Variants in SECISBP2 observed in about 807,000 individuals in gnomAD.
SECISBP2 encodes the protein SECIS binding protein 2.
A neutral mutation model predicts 98.2 loss-of-function variants in SECISBP2; 96 were observed. That is an observed-to-expected ratio of 0.98 (90% CI 0.83 to 1.16). SECISBP2 has a LOEUF of 1.16. SECISBP2 is among the 50% of genes most tolerant of loss of function. SECISBP2 has a pLI of 0.00. For missense variants in SECISBP2, 1,046 were observed against 1,022.9 expected, an observed-to-expected ratio of 1.02 and a Z score of -0.31; for synonymous variants, 407 against 370.2, an observed-to-expected ratio of 1.10 and a Z score of -1.14.
intron 10 of SECISBP2, among the ~76,000 whole-genome samples, chr9:89,342,352 A>G (rs1351062098): frequency 6.6e-6 from 1 of 150,380 alleles, no homozygotes; most frequent in Non-Finnish European, 1.5e-5. Flanking sequence ...AAAATGGTGC[A>G]GCCATTGTGG....
Position 89,342,963 on chromosome 9 carries a change from G to T in SECISBP2, c.1435+1484G>T, listed in dbSNP as rs80114704. On this transcript the variant is annotated intron_variant, in intron 10 of 16. Coordinates refer to ENST00000375807, the MANE Select transcript of SECISBP2 (RefSeq NM_024077.5). ...AAACATTTTTAAGTTATTAAAATAG[G>T]ATGATTTTTAAAAATTGATCTTATT... Among the ~76,000 whole-genome samples the T allele has an allele frequency of 7.7e-3, 1,180 of 152,274 alleles. 12 individuals are homozygous for T. Among genetic ancestry groups the T allele is most frequent in the South Asian group, 0.024 (118 of 4,828 alleles).
chr9:89,340,529 GT>G (rs1284667273), intron 9 of SECISBP2, among the ~76,000 whole-genome samples: 1 of 152,194 alleles, frequency 6.6e-6, no homozygotes, highest in Non-Finnish European at 1.5e-5. Context: ...GGGGGCTGTT[GT>G]TTTCGCATTC....
At chr9:89,346,778 A>ACT in intron 10 of SECISBP2, 104 bp from the exon 11 acceptor site, 1 of 1,373,318 alleles carries the variant, frequency 7.3e-7, no homozygotes, top group Non-Finnish European at 1.0e-6. Context: ...GACTTGGCAA[A>ACT]CTCCTTCAGA....
At position 89,332,972 on chromosome 9, in the gene SECISBP2, C is replaced by T; in HGVS notation, c.866C>T (p.Pro289Leu). The change falls in exon 6 of 17, where the codon CCT becomes CTT. Residue 289 changes from proline (P) to leucine (L), a missense_variant. Physicochemically the swap from Pro to Leu is moderately conservative, Grantham distance 98. Coordinates refer to ENST00000375807, the MANE Select transcript of SECISBP2 (RefSeq NM_024077.5). Reference protein sequence around the residue: ...SVTANAATNSPSCTRELSWTP... With the variant: ...SVTANAATNSLSCTRELSWTP... ...ACTGCTAATGCCGCTACCAATTCTCCTTCATGTACAAGAGGTAAAAGTGGC... is the reference window on the plus strand; with the variant it reads ...ACTGCTAATGCCGCTACCAATTCTCTTTCATGTACAAGAGGTAAAAGTGGC... 2 of 1,613,722 alleles carry T rather than the reference C, an allele frequency of 1.2e-6. No homozygotes were observed. Among genetic ancestry groups the T allele is most frequent in the Non-Finnish European group, 8.5e-7 (1 of 1,179,748 alleles).
chr9:89,363,414 G>T (rs200304632), downstream of SECISBP2: 3 of 1,609,576 alleles, frequency 1.9e-6, no homozygotes, highest in Non-Finnish European at 2.5e-6. Context: ...TTCTTTGCCC[G>T]GCTGCGGCCA....
chr9:89,341,455 T>C lies in SECISBP2; in HGVS notation c.1411T>C (p.Ser471Pro). 1 of 1,614,164 alleles carries C rather than the reference T, an allele frequency of 6.2e-7. No homozygotes were observed. The highest frequency in any genetic ancestry group is 8.5e-7 in the Non-Finnish European group (1 of 1,180,014). The stretch of plus-strand genomic sequence containing the variant: ...GCAGCACTCTCAGCATGCAAAGCAG[T>C]CCTCCAAACCAGTGGTAGTCTCAGG... ...KKQHSQHAKQ[S>P]SKPVVVSVGA... Residue 471 changes from serine to proline, a missense_variant, in exon 10 of 17, where the codon TCC becomes CCC. By Grantham distance (74) the Ser-to-Pro change is moderately conservative. Transcript: ENST00000375807.
intron 2 of SECISBP2, among the ~76,000 whole-genome samples, chr9:89,321,694 T>C (rs1825837402): frequency 6.6e-6 from 1 of 152,198 alleles, no homozygotes; most frequent in Non-Finnish European, 1.5e-5. Context: ...TTCTTAACTC[T>C]TCTTTTTTAG....
rs1189460002 is a variant in SECISBP2, at chr9:89,325,490, T to G, written c.246T>G (p.Ser82=). 2 of 1,613,786 alleles carry G rather than the reference T, an allele frequency of 1.2e-6. No individual in the cohort carries two copies. Among genetic ancestry groups the G allele is most frequent in the African/African-American group, 1.3e-5 (1 of 74,932 alleles). The change falls in exon 3 of 17, where the codon TCT becomes TCG. Residue 82 remains serine (S), a synonymous_variant. Transcript: ENST00000375807. ...CAACTTTTCCACCTCAGTATTTATC[T>G]TCTGAGATAACTCTTCATCCATATG... is the stretch of plus-strand genomic sequence containing the variant. ...GASTFPPQYL[S]SEITLHPYAY...
chr9:89,337,372 A>G (rs1455220303), intron 7 of SECISBP2, among the ~76,000 whole-genome samples: 1 of 152,204 alleles, frequency 6.6e-6, no homozygotes, highest in African/African-American at 2.4e-5. Flanking sequence ...ATTTTATTAC[A>G]GAAATGATAA....
Position 89,334,686 on chromosome 9 carries a change from C to A in SECISBP2, c.1045C>A (p.Pro349Thr), listed in dbSNP as rs369857385. ...IPSSEALSSDPSYNKEKHIIH... is the reference protein window; with the variant it reads ...IPSSEALSSDTSYNKEKHIIH... ...ATCTTCTGAAGCTTTATCTTCGGAT[C>A]CTTCCTACAACAAAGAAAAACACAT... Residue 349 changes from proline to threonine, a missense_variant, in exon 7 of 17, where the codon CCT (proline) becomes ACT (threonine). Transcript: ENST00000375807. 2.5e-6 allele frequency: 4 copies of A among 1,613,844 alleles called. No individual in the cohort carries two copies. In the African/African-American group the frequency reaches 5.3e-5, roughly 22 times the overall value.
intron 5 of SECISBP2, among the ~76,000 whole-genome samples, chr9:89,331,888 A>G (rs1203259633): frequency 2.0e-5 from 3 of 152,256 alleles, no homozygotes; most frequent in Non-Finnish European, 4.4e-5. Context: ...CCGTATAAAA[A>G]TATGATACAC....
chr9:89,343,677 T>A (rs1305263689), intron 10 of SECISBP2, among the ~76,000 whole-genome samples: 1 of 152,246 alleles, frequency 6.6e-6, no homozygotes, highest in East Asian at 1.9e-4. Flanking sequence ...GGTCTCATTC[T>A]CTTTTATGAC....
chr9:89,346,813 G>A, intron 10 of SECISBP2, 69 bp from the exon 11 acceptor site: 2 of 1,597,630 alleles, frequency 1.3e-6, no homozygotes, highest in Non-Finnish European at 1.7e-6. Flanking sequence ...CCCTGGGCGA[G>A]CTGCGATCCA....
intron 11 of SECISBP2, among the ~76,000 whole-genome samples, chr9:89,347,673 C>T (rs539875088): frequency 6.6e-6 from 1 of 151,934 alleles, no homozygotes; most frequent in Non-Finnish European, 1.5e-5. Flanking sequence ...GAGACGAGGT[C>T]TCATCACCAT....
rs1426449338 is a variant in SECISBP2 at position 89,358,127 on chromosome 9, GGGCCCCAGCTGCCCTGCAGAAGAT to G, written c.2404_2427del (p.Ser802_Pro809del). ...AGGCACCTCCCAGCCTACCCACACA[GGGCCCCAGCTGCCCTGCAGAAGAT>G]GGCCCCCCAGCCCTGAAAGAAAAAG... On this transcript the variant is annotated inframe_deletion, in exon 16 of 17. Coordinates refer to ENST00000375807, the MANE Select transcript of SECISBP2 (RefSeq NM_024077.5). 7 of 1,613,634 alleles carry G rather than the reference GGGCCCCAGCTGCCCTGCAGAAGAT, an allele frequency of 4.3e-6. No homozygotes were observed. The Admixed American group carries it at 1.0e-4, about 23-fold the overall frequency.
intron 2 of SECISBP2, chr9:89,322,142 C>T (rs76852577): frequency 0.05 from 7,675 of 152,288 alleles, 256 homozygotes; most frequent in South Asian, 0.098. Flanking sequence ...TATTGAAAGT[C>T]TTCCATAGTT....
At position 89,347,031 on chromosome 9, in the gene SECISBP2, C is replaced by T; in HGVS notation, c.1585C>T (p.Pro529Ser). 1 of 1,614,106 alleles carries T rather than the reference C, an allele frequency of 6.2e-7. No homozygotes were observed. The highest frequency in any genetic ancestry group is 2.2e-5 in the East Asian group (1 of 44,886). ...GAGGGAGATCCCCAAGGCCAAGAAG[C>T]CAACCTCACTGAAGAAGGTATGTGG... ...KQREIPKAKKPTSLKKIILKE... is the reference protein window; with the variant it reads ...KQREIPKAKKSTSLKKIILKE... Residue 529 changes from proline to serine, a missense_variant, in exon 11 of 17, where the codon CCA (proline) becomes TCA (serine). Physicochemically the swap from Pro to Ser is moderately conservative, Grantham distance 74. Transcript: ENST00000375807.
downstream of SECISBP2, chr9:89,364,642 T>C (rs1055058914): frequency 6.4e-6 from 1 of 155,592 alleles, no homozygotes; most frequent in Non-Finnish European, 1.4e-5. Context: ...CTGTTGTTTT[T>C]CTCTGGGCTT....
downstream of SECISBP2, among the ~76,000 whole-genome samples, chr9:89,362,666 G>A (rs192339552): frequency 2.5e-3 from 375 of 152,370 alleles, 5 homozygotes; most frequent in Non-Finnish European, 3.7e-3. Flanking sequence ...AGAGGCAGGA[G>A]GGCTGGAGAG....
Sources: gnomAD v4.1 joint callset for allele counts (sites outside exome capture counted in the v4.1 genomes callset) on GRCh38, gnomAD v4.1.1 for gene constraint, MANE v1.5 for transcripts, NCBI Gene and HGNC (gene_info 2026-07-23, HGNC 2026-07-21) for gene names.